Variants in MPPED2 observed in about 807,000 individuals in gnomAD.
The protein encoded by MPPED2 is metallophosphoesterase MPPED2.
MPPED2 carries 5 observed loss-of-function variants against 33.0 expected under a neutral mutation model. The ratio of observed to expected loss-of-function variants is 0.15; its 90% confidence interval spans 0.08 to 0.32. The LOEUF is 0.32. Ranked by LOEUF, MPPED2 falls within the 10% of genes least tolerant of loss-of-function variation. The pLI is 1.00. For synonymous variants in MPPED2, 136 were observed against 141.9 expected, an observed-to-expected ratio of 0.96 and a Z score of 0.29; for missense variants, 275 against 372.1, an observed-to-expected ratio of 0.74 and a Z score of 2.15.
intron 2 of MPPED2, among the ~76,000 whole-genome samples, chr11:30,559,136 T>C (rs939943179): frequency 1.3e-5 from 2 of 152,198 alleles, no homozygotes; most frequent in African/African-American, 4.8e-5. Context: ...CTTAAATGAC[T>C]ACTAATGAAA....
intron 4 of MPPED2, among the ~76,000 whole-genome samples, chr11:30,480,138 G>C (rs1951414005): frequency 6.6e-6 from 1 of 152,086 alleles, no homozygotes; most frequent in Non-Finnish European, 1.5e-5. Context: ...TGTTTGGGGT[G>C]AAAGAGCCAC....
At chr11:30,406,916 G>C (rs967178818), downstream of MPPED2, among the ~76,000 whole-genome samples, 3 of 152,208 alleles carry the variant, frequency 2.0e-5, no homozygotes, top group South Asian at 6.2e-4. Flanking sequence ...AGGAAAGTGG[G>C]AATAGAGCAT....
intron 4 of MPPED2, among the ~76,000 whole-genome samples, chr11:30,436,721 A>C (rs1475852005): frequency 6.6e-6 from 1 of 152,246 alleles, no homozygotes; most frequent in Non-Finnish European, 1.5e-5. Flanking sequence ...AAACAACAAA[A>C]TGAGTATGTA....
intron 2 of MPPED2, among the ~76,000 whole-genome samples, chr11:30,575,600 C>T (rs948857455): frequency 6.6e-6 from 1 of 152,190 alleles, no homozygotes; most frequent in Non-Finnish European, 1.5e-5. Flanking sequence ...TGCACTCAAT[C>T]CTGGTTAATT....
At chr11:30,519,674 T>C (rs1953743903) in intron 3 of MPPED2, among the ~76,000 whole-genome samples, 1 of 152,102 alleles carries the variant, frequency 6.6e-6, no homozygotes, top group Admixed American at 6.5e-5. Flanking sequence ...GAATACACAA[T>C]GAAAATACTA....
intron 4 of MPPED2, among the ~76,000 whole-genome samples, chr11:30,456,892 G>A (rs888185276): frequency 1.4e-4 from 22 of 152,196 alleles, no homozygotes; most frequent in Middle Eastern, 3.4e-3. Context: ...CATACAGCTA[G>A]CAATAAGAAC....
chr11:30,496,709 G>GA (rs200516943), intron 3 of MPPED2, among the ~76,000 whole-genome samples: 2 of 129,066 alleles, frequency 1.5e-5, no homozygotes, highest in Non-Finnish European at 3.3e-5. Context: ...AATTTTGTGG[G>GA]CGGGGGGTGG....
Position 30,436,591 on chromosome 11 carries a change from T to C in MPPED2, c.537-18958A>G, listed in dbSNP as rs549496309. Among the ~76,000 whole-genome samples the C allele has an allele frequency of 1.2e-3, 177 of 152,342 alleles. 4 individuals carry two copies. Among genetic ancestry groups the C allele is most frequent in the Non-Finnish European group, 1.5e-3 (100 of 68,028 alleles). ...AGCACCTACCGCACAAGGTCCATGA[T>C]GAAAAAGACTTTGAACAGCCTGGAA... On this transcript the variant is annotated intron_variant, in intron 4 of 6. Coordinates refer to ENST00000358117, the MANE Select transcript of MPPED2 (RefSeq NM_001584.3).
chr11:30,497,700 C>CCTTTCTTT (rs140393689), intron 3 of MPPED2, among the ~76,000 whole-genome samples: 5,926 of 151,776 alleles, frequency 0.039, 403 homozygotes, highest in African/African-American at 0.14. Flanking sequence ...CTGGGTTTTT[C>CCTTTCTTT]CTTTCTTTCT....
chr11:30,491,682 G>A (rs1041483894), intron 4 of MPPED2, among the ~76,000 whole-genome samples: 1 of 152,208 alleles, frequency 6.6e-6, no homozygotes, highest in Non-Finnish European at 1.5e-5. Context: ...AGGTCCCACT[G>A]AGCAAGTGGT....
chr11:30,500,023 C>A (rs983941267), intron 3 of MPPED2, among the ~76,000 whole-genome samples: 1 of 152,172 alleles, frequency 6.6e-6, no homozygotes, highest in African/African-American at 2.4e-5. Flanking sequence ...ATACAGCCCA[C>A]TTACCACATT....
At chr11:30,402,205 C>A (rs1947918637) in intron 6 of MPPED2, among the ~76,000 whole-genome samples, 1 of 152,136 alleles carries the variant, frequency 6.6e-6, no homozygotes, top group African/African-American at 2.4e-5. Flanking sequence ...AGCATCCCAG[C>A]CAAGCTATTC....
intron 4 of MPPED2, among the ~76,000 whole-genome samples, chr11:30,427,879 A>C (rs1331300534): frequency 6.6e-6 from 1 of 152,004 alleles, no homozygotes; most frequent in Admixed American, 6.6e-5. Context: ...TGGAAGAAAA[A>C]TTATTCAATG....
At chr11:30,406,919 T>A (rs1313794561), downstream of MPPED2, among the ~76,000 whole-genome samples, 1 of 152,202 alleles carries the variant, frequency 6.6e-6, no homozygotes, top group Non-Finnish European at 1.5e-5. Context: ...AAAGTGGGAA[T>A]AGAGCATGAA....
intron 6 of MPPED2, among the ~76,000 whole-genome samples, chr11:30,402,542 A>C (rs994686688): frequency 6.6e-6 from 1 of 152,182 alleles, no homozygotes; most frequent in African/African-American, 2.4e-5. Context: ...CAGAGAGACA[A>C]ATCTATTAAT....
At chr11:30,450,150 T>C (rs1247839550) in intron 4 of MPPED2, among the ~76,000 whole-genome samples, 2 of 152,242 alleles carry the variant, frequency 1.3e-5, no homozygotes, top group Non-Finnish European at 2.9e-5. Context: ...AGGGTCTTTT[T>C]TCCCCCTTCT....
intron 4 of MPPED2, among the ~76,000 whole-genome samples, chr11:30,493,251 G>GT (rs1565122058): frequency 6.6e-6 from 1 of 151,680 alleles, no homozygotes; most frequent in East Asian, 1.9e-4. Flanking sequence ...GGCGCCTGTA[G>GT]TCCCAGCTAC....
intron 4 of MPPED2, among the ~76,000 whole-genome samples, chr11:30,483,738 T>C (rs1951598867): frequency 6.6e-6 from 1 of 152,206 alleles, no homozygotes; most frequent in African/African-American, 2.4e-5. Flanking sequence ...TGTCTGTCTT[T>C]GACAATCCTC....
At chr11:30,415,319 C>A (rs983064643) in intron 5 of MPPED2, among the ~76,000 whole-genome samples, 4 of 152,158 alleles carry the variant, frequency 2.6e-5, no homozygotes, top group Admixed American at 6.5e-5. Flanking sequence ...AAAAATCTAT[C>A]CAGCGTTTTC....
Sources: gnomAD v4.1 joint callset for allele counts (sites outside exome capture counted in the v4.1 genomes callset) on GRCh38, gnomAD v4.1.1 for gene constraint, MANE v1.5 for transcripts, NCBI Gene and HGNC (gene_info 2026-07-23, HGNC 2026-07-21) for gene names.